FOXP2: variants seen among roughly 807,000 people sequenced by gnomAD.
The protein encoded by FOXP2 is forkhead box P2.
A neutral mutation model predicts 115.8 loss-of-function variants in FOXP2; 12 were observed. The ratio of observed to expected loss-of-function variants is 0.10; its 90% CI spans 0.07 to 0.17. The LOEUF is 0.17. Among genes scored for constraint, FOXP2 ranks in the 10% least tolerant of loss-of-function variants. The probability of loss-of-function intolerance (pLI) is 1.00; values close to 1 mark genes in which losing one functional copy is unlikely to be tolerated. For missense variants in FOXP2, 629 were observed against 843.5 expected (o/e 0.75, Z 3.15); for synonymous variants, 328 against 297.7 (o/e 1.10, Z -1.05).
At chr7:114,086,770 G>A (rs1281983112), upstream of FOXP2, among the ~76,000 whole-genome samples, 1 of 152,248 alleles carries the variant, frequency 6.6e-6, no homozygotes, top group Non-Finnish European at 1.5e-5. Context: ...GCTTGCCGGG[G>A]CGAGTGTGAC....
chr7:114,103,952 T>C (rs1791050071), intron 1 of FOXP2, among the ~76,000 whole-genome samples: 1 of 151,982 alleles, frequency 6.6e-6, no homozygotes, highest in Non-Finnish European at 1.5e-5. Context: ...TCTATTCTTA[T>C]CATTTTAAGG....
chr7:114,157,543 A>C (rs1351124949), intron 1 of FOXP2, among the ~76,000 whole-genome samples: 1 of 152,122 alleles, frequency 6.6e-6, no homozygotes, highest in Admixed American at 6.5e-5. Flanking sequence ...AGGAGAGGCA[A>C]ATTCAATCCT....
intron 2 of FOXP2, among the ~76,000 whole-genome samples, chr7:114,299,439 AG>A (rs1796825409): frequency 6.6e-6 from 1 of 152,040 alleles, no homozygotes; most frequent in Non-Finnish European, 1.5e-5. Flanking sequence ...GATCCTGACT[AG>A]GTAAAACCAA....
intron 13 of FOXP2, chr7:114,661,773 G>C (rs1277162428): frequency 2.7e-6 from 1 of 375,442 alleles, no homozygotes; most frequent in East Asian, 6.6e-5. Context: ...CATTTTCAAA[G>C]ATACTGTAAT....
chr7:114,585,255 G>C (rs1377449677), intron 3 of FOXP2, among the ~76,000 whole-genome samples: 1 of 152,076 alleles, frequency 6.6e-6, no homozygotes, highest in Admixed American at 6.6e-5. Flanking sequence ...TAGCCATCAG[G>C]GTGACATTTT....
At chr7:114,310,309 T>C (rs1161712774) in intron 2 of FOXP2, among the ~76,000 whole-genome samples, 1 of 152,172 alleles carries the variant, frequency 6.6e-6, no homozygotes, top group Non-Finnish European at 1.5e-5. Flanking sequence ...TCATATAAAA[T>C]TGAGATGCCA....
At chr7:114,281,574 C>A (rs1562852069) in intron 1 of FOXP2, among the ~76,000 whole-genome samples, 1 of 152,084 alleles carries the variant, frequency 6.6e-6, no homozygotes, top group Non-Finnish European at 1.5e-5. Context: ...TGCTAACTTC[C>A]ATTTTACTAT....
intron 3 of FOXP2, among the ~76,000 whole-genome samples, chr7:114,544,884 T>C (rs746519594): frequency 1.3e-5 from 2 of 152,206 alleles, no homozygotes; most frequent in South Asian, 2.1e-4. Flanking sequence ...TTATTTTCCG[T>C]AATCAATAAC....
At chr7:114,491,799 T>G (rs1242734186) in intron 2 of FOXP2, among the ~76,000 whole-genome samples, 1 of 152,202 alleles carries the variant, frequency 6.6e-6, no homozygotes, top group African/African-American at 2.4e-5. Flanking sequence ...GATGTGCTGC[T>G]GGATTCGGTT....
chr7:114,469,343 C>G (rs1156764453), intron 2 of FOXP2, among the ~76,000 whole-genome samples: 1 of 151,998 alleles, frequency 6.6e-6, no homozygotes, highest in Non-Finnish European at 1.5e-5. Flanking sequence ...TAAGGGTTAC[C>G]AGCTGAAAAC....
chr7:114,349,523 T>C (rs2690827), intron 2 of FOXP2, among the ~76,000 whole-genome samples: 86,204 of 151,944 alleles, frequency 0.57, 25,316 homozygotes, highest in East Asian at 0.84. Context: ...TCGATATTTC[T>C]ATTTGGCAGT....
At chr7:114,524,513 A>G (rs1435583768) in intron 2 of FOXP2, among the ~76,000 whole-genome samples, 2 of 152,104 alleles carry the variant, frequency 1.3e-5, no homozygotes, top group Non-Finnish European at 2.9e-5. Flanking sequence ...CTTCAGAGTC[A>G]GCCAGATAGT....
At chr7:114,373,106 C>T (rs201894263) in intron 2 of FOXP2, among the ~76,000 whole-genome samples, 6 of 152,082 alleles carry the variant, frequency 3.9e-5, no homozygotes, top group Admixed American at 1.3e-4. Flanking sequence ...CATTCTCCTG[C>T]CTCAGCCTCC....
chr7:114,105,981 C>A (rs1791101560), intron 1 of FOXP2, among the ~76,000 whole-genome samples: 1 of 152,024 alleles, frequency 6.6e-6, no homozygotes, highest in African/African-American at 2.4e-5. Context: ...GCCTGGAAAG[C>A]AGAAACGATG....
At chr7:114,445,691 C>A (rs929933865) in intron 2 of FOXP2, among the ~76,000 whole-genome samples, 1 of 151,966 alleles carries the variant, frequency 6.6e-6, no homozygotes, top group African/African-American at 2.4e-5. Context: ...AATGTGAAAA[C>A]AATATACACA....
rs1026533762 is a variant in FOXP2, at chr7:114,407,780, T to G, written c.-10-18722T>G. 9.9e-5 allele frequency among the ~76,000 whole-genome samples: 15 copies of G among 152,136 alleles called. No individual in the cohort carries two copies. In the South Asian group the frequency reaches 1.0e-3, roughly 10 times the overall value. The stretch of plus-strand genomic sequence containing the variant: ...TATAGCGTTTTGCAAAAAGTATGGG[T>G]GCATGCTTAGGAATTAATAACTTCA... On this transcript the variant is annotated intron_variant, in intron 2 of 17. Coordinates refer to the FOXP2 transcript ENST00000634411.
chr7:114,530,887 G>T (rs965301085), intron 2 of FOXP2, among the ~76,000 whole-genome samples: 1 of 151,716 alleles, frequency 6.6e-6, no homozygotes, highest in African/African-American at 2.4e-5. Context: ...TGAAAAATGT[G>T]CATTCCCACA....
chr7:114,110,476 G>T (rs1305994083), intron 1 of FOXP2, among the ~76,000 whole-genome samples: 1 of 151,894 alleles, frequency 6.6e-6, no homozygotes, highest in Non-Finnish European at 1.5e-5. Context: ...TTAATGGATT[G>T]TTTTTCATTT....
At position 114,457,627 on chromosome 7, in the gene FOXP2, A is replaced by G. The variant is rs551455830; in HGVS notation, c.168+30948A>G. 2.8e-4 allele frequency among the ~76,000 whole-genome samples: 42 copies of G among 152,268 alleles called. 1 individual carries two copies. Among genetic ancestry groups the G allele is most frequent in the East Asian group, 1.4e-3 (7 of 5,170 alleles). ...AAAATATATTCTCATGGCTGGGCGCAGTGGCTCACGCCTGTAATCCCAGCA... is the reference window on the plus strand; with the variant it reads ...AAAATATATTCTCATGGCTGGGCGCGGTGGCTCACGCCTGTAATCCCAGCA... On this transcript the variant is annotated intron_variant, in intron 2 of 16. Transcript: ENST00000350908.
Sources: allele counts gnomAD v4.1 joint callset (sites outside exome capture counted in the v4.1 genomes callset), GRCh38; gene constraint gnomAD v4.1.1; transcripts MANE v1.5; gene names NCBI Gene and HGNC (gene_info 2026-07-23, HGNC 2026-07-21).